HSD17B4: variants seen among roughly 807,000 people sequenced by gnomAD.
The protein encoded by HSD17B4 is peroxisomal multifunctional enzyme type 2.
HSD17B4 carries 70 observed loss-of-function variants against 101.0 expected under a neutral mutation model. The observed-to-expected ratio is 0.69, with a 90% CI of 0.57 to 0.85. HSD17B4 has a LOEUF of 0.85. Among genes scored for constraint, HSD17B4 ranks in the 40% least tolerant of loss-of-function variants. The probability of loss-of-function intolerance (pLI) is 0.00; values close to 1 mark genes in which losing one functional copy is unlikely to be tolerated. For missense variants in HSD17B4, 984 were observed against 892.4 expected, an observed-to-expected ratio of 1.10 and a Z score of -1.31; for synonymous variants, 347 against 297.1, an observed-to-expected ratio of 1.17 and a Z score of -1.73.
At chr5:119,514,524 G>A (rs1224852464) in intron 16 of HSD17B4, among the ~76,000 whole-genome samples, 1 of 152,130 alleles carries the variant, frequency 6.6e-6, no homozygotes, top group Non-Finnish European at 1.5e-5. Flanking sequence ...TTGGCATTAA[G>A]GGATCATAAT....
At chr5:119,455,527 A>G (rs1249606879) in intron 1 of HSD17B4, among the ~76,000 whole-genome samples, 1 of 147,568 alleles carries the variant, frequency 6.8e-6, no homozygotes, top group Non-Finnish European at 1.5e-5. Flanking sequence ...AAAAAAAAAG[A>G]AAAAAAGCAA....
rs1554068324 is a variant in HSD17B4 at position 119,526,282 on chromosome 5, T to TTATATATATATATG, written c.1680+272_1680+273insGTATATATATATAT. ...TTTATAAATTAATTAGGTGCATATATTATATATATATATATCAGTACGTAT... is the reference window on the plus strand; with the variant it reads ...TTTATAAATTAATTAGGTGCATATATTATATATATATATGTATATATATATATATCAGTACGTAT... On this transcript the variant is annotated intron_variant, in intron 19 of 23. Transcript: ENST00000510025. Among the ~76,000 whole-genome samples the TTATATATATATATG allele has an allele frequency of 6.4e-3, 377 of 59,358 alleles. 2 individuals carry two copies. The highest frequency in any genetic ancestry group is 0.022 in the African/African-American group (304 of 13,518). 38.9% of individuals were successfully genotyped at this position (59,358 alleles called of 152,430 possible).
At chr5:119,529,443 A>G (rs893911936) in intron 20 of HSD17B4, among the ~76,000 whole-genome samples, 2 of 152,198 alleles carry the variant, frequency 1.3e-5, no homozygotes, top group Admixed American at 6.5e-5. Context: ...GAACAAATGT[A>G]CTTTGAGTAC....
chr5:119,509,001 A>G (rs1751915558), intron 15 of HSD17B4, 140 bp from the exon 16 acceptor site: 3 of 641,568 alleles, frequency 4.7e-6, no homozygotes, highest in South Asian at 3.6e-5. Flanking sequence ...CCAAACTTGG[A>G]CACCTTTACA....
At chr5:119,474,050 C>A (rs1417020883) in intron 3 of HSD17B4, 35 bp downstream of exon 3, 1 of 1,044,272 alleles carries the variant, frequency 9.6e-7, no homozygotes, top group Non-Finnish European at 1.5e-6. Flanking sequence ...TATTTATTTT[C>A]CTTCAACTAA....
chr5:119,484,834 T>A (rs10066302), intron 8 of HSD17B4, among the ~76,000 whole-genome samples: 6,736 of 151,614 alleles, frequency 0.044, 542 homozygotes, highest in East Asian at 0.41. Context: ...AGATCTAATT[T>A]TTTCCCCTGT....
At chr5:119,534,261 AT>A (rs1754357882) in intron 22 of HSD17B4, among the ~76,000 whole-genome samples, 1 of 151,990 alleles carries the variant, frequency 6.6e-6, no homozygotes, top group African/African-American at 2.4e-5. Context: ...TTGTTTGAAT[AT>A]TGTTTTTGTT....
At chr5:119,527,268 C>T in intron 20 of HSD17B4, 49 bp downstream of exon 20, 1 of 1,054,194 alleles carries the variant, frequency 9.5e-7, no homozygotes, top group Non-Finnish European at 1.5e-6. Context: ...TCATTGTGTT[C>T]CATCTTACCA....
intron 7 of HSD17B4, 130 bp downstream of exon 7, chr5:119,477,631 A>G: frequency 2.7e-6 from 2 of 747,946 alleles, no homozygotes; most frequent in East Asian, 2.6e-5. Context: ...ACCTTTTAAC[A>G]TATGGTTTTG....
At chr5:119,483,224 C>G (rs941619486) in intron 8 of HSD17B4, among the ~76,000 whole-genome samples, 1 of 152,094 alleles carries the variant, frequency 6.6e-6, no homozygotes, top group Non-Finnish European at 1.5e-5. Context: ...CAGCCTCTAG[C>G]AATTTGTCGG....
In HSD17B4 at chr5:119,509,151, T is replaced by C. The variant is rs189970200; in HGVS notation, c.1344T>C (p.Tyr448=). The change falls in exon 16 of 24, where the codon TAT becomes TAC. Residue 448 remains tyrosine (Y), a synonymous_variant. Transcript: ENST00000510025. The part of the protein sequence containing the change: ...GVVIIMDVYS[Y]SEKELICHNQ... ...TTATTTACTTTTCAGTCTATTCTTATTCTGAGAAGGAACTTATATGCCACA... is the reference window on the plus strand; with the variant it reads ...TTATTTACTTTTCAGTCTATTCTTACTCTGAGAAGGAACTTATATGCCACA... The C allele has an allele frequency of 1.2e-5, 19 of 1,564,974 alleles. No homozygotes were observed. Among genetic ancestry groups the C allele is most frequent in the African/African-American group, 6.8e-5 (5 of 74,048 alleles).
At position 119,499,421 on chromosome 5, in the gene HSD17B4, A is replaced by C; in HGVS notation, c.1077A>C (p.Lys359Asn). The C allele has an allele frequency of 6.2e-7, 1 of 1,613,798 alleles. No homozygotes were observed. Among genetic ancestry groups the C allele is most frequent in the Non-Finnish European group, 8.5e-7 (1 of 1,179,728 alleles). ...LGVGASIKDP[K>N]DLKFIYEGSS... Reference sequence around the variant, plus strand: ...TGGGAGCGTCAATCAAGGATCCAAAAGATTTGAAATTTATTTATGAAGGAA... The same window carrying C: ...TGGGAGCGTCAATCAAGGATCCAAACGATTTGAAATTTATTTATGAAGGAA... Residue 359 changes from lysine (K) to asparagine (N), a missense_variant, in exon 13 of 24, where the codon AAA (lysine) becomes AAC (asparagine). Coordinates refer to ENST00000510025, the MANE Select transcript of HSD17B4 (RefSeq NM_000414.4).
chr5:119,525,262 A>G lies in HSD17B4; in HGVS notation c.1550A>G (p.Asp517Gly). 2 of 1,611,716 alleles carry G rather than the reference A, an allele frequency of 1.2e-6. No individual in the cohort carries two copies. The highest frequency in any genetic ancestry group is 1.7e-6 in the Non-Finnish European group (2 of 1,178,100). The change falls in exon 18 of 24, where the codon GAT (aspartate) becomes GGT (glycine). Residue 517 changes from aspartate (D) to glycine (G), a missense_variant. Physicochemically the swap from Asp to Gly is moderately conservative, Grantham distance 94. Coordinates refer to ENST00000510025, the MANE Select transcript of HSD17B4 (RefSeq NM_000414.4). Reference protein sequence around the residue: ...LSGDWNPLHIDPNFASLAGFD... With the variant: ...LSGDWNPLHIGPNFASLAGFD... ...GGAGACTGGAATCCCTTACACATTG[A>G]TCCTAACTTTGCTAGTCTAGCAGGT...
chr5:119,541,681 GTA>G (rs1278546074), intron 23 of HSD17B4, among the ~76,000 whole-genome samples: 1 of 151,902 alleles, frequency 6.6e-6, no homozygotes, highest in African/African-American at 2.4e-5. Context: ...ATAAATTATT[GTA>G]TAGTTTTCTA....
At chr5:119,473,238 A>AT (rs200857333) in intron 2 of HSD17B4, among the ~76,000 whole-genome samples, 986 of 42,330 alleles carry the variant, frequency 0.023, 12 homozygotes, top group Middle Eastern at 0.096. Flanking sequence ...CGATTTTCAC[A>AT]TTTTTTCTTT....
intron 21 of HSD17B4, among the ~76,000 whole-genome samples, chr5:119,530,271 C>T (rs1580708074): frequency 6.6e-6 from 1 of 151,976 alleles, no homozygotes. Context: ...AAGCAAACAG[C>T]GTTTTGGAGA....
At position 119,478,997 on chromosome 5, in the gene HSD17B4, A is replaced by T; in HGVS notation, c.598A>T (p.Met200Leu). ...NTIAPNAGSR[M>L]TQTVMPEDLV... ...CATTGCTCCTAATGCGGGATCACGG[A>T]TGACTCAGACAGTTATGCCTGAAGG... The change falls in exon 8 of 24, where the codon ATG (methionine) becomes TTG (leucine). Residue 200 changes from methionine to leucine, a missense_variant. Transcript: ENST00000510025. 6.2e-7 allele frequency: 1 copy of T among 1,613,544 alleles called. No homozygotes were observed. Among genetic ancestry groups the T allele is most frequent in the Non-Finnish European group, 8.5e-7 (1 of 1,179,562 alleles).
chr5:119,542,093 G>T lies in HSD17B4; in HGVS notation c.*99G>T. 3.8e-6 allele frequency: 3 copies of T among 799,800 alleles called. No individual in the cohort carries two copies. The South Asian group carries it at 4.4e-5, about 12-fold the overall frequency. The allele number at this position is 799,800 out of a possible 1,614,324, so 49.5% of individuals were successfully genotyped here. A position where few individuals can be genotyped will look rare whatever the true frequency, so the allele number is the denominator to read the frequency against. The stretch of plus-strand genomic sequence containing the variant: ...CAAAAGTGATTAGAACTAAGATGCA[G>T]GGGAAATTGCTTAACATTTTCAGAT... On this transcript the variant is annotated 3_prime_UTR_variant, in exon 24 of 24. Transcript: ENST00000510025.
rs147064221 is a variant in HSD17B4, at chr5:119,485,985, G to A, written c.623-3207G>A. ...AATTAAGATGTTTGCTGGCACTGAA[G>A]TCATTTGAAAGCTTGGCTTGGAGGA... On this transcript the variant is annotated intron_variant, in intron 8 of 23. Coordinates refer to ENST00000510025, the MANE Select transcript of HSD17B4 (RefSeq NM_000414.4). 1.7e-3 allele frequency among the ~76,000 whole-genome samples: 255 copies of A among 152,274 alleles called. 6 individuals carry two copies. The South Asian group carries it at 0.046, about 28-fold the overall frequency.
Sources: gnomAD v4.1 joint callset for allele counts (sites outside exome capture counted in the v4.1 genomes callset) on GRCh38, gnomAD v4.1.1 for gene constraint, MANE v1.5 for transcripts, NCBI Gene and HGNC (gene_info 2026-07-23, HGNC 2026-07-21) for gene names.